The following BLTP3B variants were observed in gnomAD, a reference collection of about 807,000 sequenced individuals.
BLTP3B encodes the protein UHRF1 (ICBP90) binding protein 1-like.
the BLTP3B span, among the ~76,000 whole-genome samples, chr12:100,057,349 G>T: frequency 5.9e-5 from 9 of 151,738 alleles, no homozygotes; most frequent in East Asian, 1.2e-3. Context: ...TCTTTTTGGG[G>T]GGCTATAATG....
At chr12:100,086,374 G>GA in the BLTP3B span, 182 of 608,492 alleles carry the variant, frequency 3.0e-4, 10 homozygotes, top group African/African-American at 3.3e-3. Context: ...AAAAAAAAAG[G>GA]GGGGGGGGGA....
the BLTP3B span, among the ~76,000 whole-genome samples, chr12:100,061,900 A>G: frequency 2.0e-5 from 3 of 152,314 alleles, no homozygotes; most frequent in African/African-American, 7.2e-5. Context: ...TCCAAAATTC[A>G]TTTACTGAAA....
chr12:100,063,810 C>T, the BLTP3B span, among the ~76,000 whole-genome samples: 1 of 151,898 alleles, frequency 6.6e-6, no homozygotes, highest in East Asian at 1.9e-4. Context: ...CTAGACATTA[C>T]CTCTGAGAGA....
the BLTP3B span, among the ~76,000 whole-genome samples, chr12:100,043,274 C>A: frequency 3.9e-5 from 6 of 152,298 alleles, no homozygotes; most frequent in Non-Finnish European, 7.4e-5. Context: ...AGTATGCCTG[C>A]ATAAGGAAGA....
At chr12:100,041,731 G>A in the BLTP3B span, among the ~76,000 whole-genome samples, 6 of 152,002 alleles carry the variant, frequency 3.9e-5, no homozygotes, top group Admixed American at 6.6e-5. Flanking sequence ...CACCGCGCCC[G>A]GCCTGCTATT....
At chr12:100,134,844 T>C in the BLTP3B span, among the ~76,000 whole-genome samples, 1 of 152,232 alleles carries the variant, frequency 6.6e-6, no homozygotes. Context: ...TGTCGGTCAA[T>C]CCTGCCTTTA....
the BLTP3B span, among the ~76,000 whole-genome samples, chr12:100,137,068 C>A: frequency 6.6e-6 from 1 of 152,212 alleles, no homozygotes; most frequent in Non-Finnish European, 1.5e-5. Context: ...GCCTCAGCCT[C>A]CCAAAGTGGT....
At chr12:100,135,424 A>G in the BLTP3B span, among the ~76,000 whole-genome samples, 1 of 151,808 alleles carries the variant, frequency 6.6e-6, no homozygotes, top group Non-Finnish European at 1.5e-5. Context: ...GCGCACCACC[A>G]CGCTCGGCCA....
the BLTP3B span, among the ~76,000 whole-genome samples, chr12:100,060,879 A>G: frequency 6.6e-6 from 1 of 152,230 alleles, no homozygotes; most frequent in African/African-American, 2.4e-5. Context: ...AAAATAAATC[A>G]AAGGTGTGAG....
the BLTP3B span, among the ~76,000 whole-genome samples, chr12:100,135,553 C>T: frequency 3.1e-4 from 47 of 152,218 alleles, no homozygotes; most frequent in African/African-American, 1.1e-3. Flanking sequence ...ACAGGTGAGA[C>T]ACCACACCCG....
At chr12:100,106,348 A>G in the BLTP3B span, among the ~76,000 whole-genome samples, 1 of 152,164 alleles carries the variant, frequency 6.6e-6, no homozygotes, top group Non-Finnish European at 1.5e-5. Flanking sequence ...AAGATATGGA[A>G]TCAATCTAAG....
chr12:100,138,245 G>T, the BLTP3B span, among the ~76,000 whole-genome samples: 1 of 152,146 alleles, frequency 6.6e-6, no homozygotes, highest in Non-Finnish European at 1.5e-5. Context: ...GAGCTAGCTG[G>T]TTCCTGTTCT....
chr12:100,092,640 T>G, the BLTP3B span: 2 of 152,736 alleles, frequency 1.3e-5, no homozygotes, highest in African/African-American at 2.4e-5. Context: ...TTTCCTAATA[T>G]ATATGTATCT....
the BLTP3B span, among the ~76,000 whole-genome samples, chr12:100,104,459 C>T: frequency 7.3e-5 from 11 of 151,722 alleles, no homozygotes. Context: ...CCAACTCGGC[C>T]TCTCAAGGTG....
At chr12:100,051,835 C>T in the BLTP3B span, 1 of 152,102 alleles carries the variant, frequency 6.6e-6, no homozygotes. Flanking sequence ...CACTTGAGCC[C>T]AGAAGTTCAA....
chr12:100,041,787 T>C, the BLTP3B span, among the ~76,000 whole-genome samples: 1 of 151,982 alleles, frequency 6.6e-6, no homozygotes, highest in South Asian at 2.1e-4. Context: ...CCTGGGCAAC[T>C]GGGCAAGAAA....
chr12:100,092,060 C>CTGACCTCAAA, the BLTP3B span, among the ~76,000 whole-genome samples: 1 of 152,094 alleles, frequency 6.6e-6, no homozygotes, highest in African/African-American at 2.4e-5. Context: ...CCGCCTGCCT[C>CTGACCTCAAA]AGCCTCCCAA....
chr12:100,113,599 C>T, the BLTP3B span, among the ~76,000 whole-genome samples: 1 of 152,074 alleles, frequency 6.6e-6, no homozygotes, highest in East Asian at 1.9e-4. Context: ...TAACTCAGAA[C>T]ATGTAAAATG....
the BLTP3B span, among the ~76,000 whole-genome samples, chr12:100,132,431 G>A: frequency 6.6e-6 from 1 of 152,134 alleles, no homozygotes; most frequent in African/African-American, 2.4e-5. Context: ...TGTTCTTGCA[G>A]TAGTAAGTTC....
Sources: gnomAD v4.1 joint callset for allele counts (sites outside exome capture counted in the v4.1 genomes callset) on GRCh38, gnomAD v4.1.1 for gene constraint, MANE v1.5 for transcripts, NCBI Gene and HGNC (gene_info 2026-07-23, HGNC 2026-07-21) for gene names.